ALDH3B2: variants seen among roughly 807,000 people sequenced by gnomAD.
The protein encoded by ALDH3B2 is aldehyde dehydrogenase 3 family member B2.
ALDH3B2 carries 45 observed loss-of-function variants against 36.7 expected under a neutral mutation model. The observed-to-expected ratio is 1.23, with a 90% CI of 0.97 to 1.57. ALDH3B2 has a LOEUF of 1.57. Among genes scored for constraint, ALDH3B2 ranks in the 40% most tolerant of loss-of-function variants. The pLI is 0.00. For synonymous variants in ALDH3B2, 217 were observed against 226.5 expected (o/e 0.96, Z 0.38); for missense variants, 464 against 513.3 (o/e 0.90, Z 0.93).
In ALDH3B2 at chr11:67,666,415, T is replaced by A; in HGVS notation, c.152-14A>T. On this transcript the variant is annotated splice_polypyrimidine_tract_variant and intron_variant, in intron 4 of 9. Coordinates refer to ENST00000349015, the Ensembl canonical transcript of ALDH3B2. Reference sequence around the variant, plus strand: ...CCACGCAACTCCCTGCAGGGGCAGATGGGGACGTCGTTGGGGGAGCCCAGG... The same window carrying A: ...CCACGCAACTCCCTGCAGGGGCAGAAGGGGACGTCGTTGGGGGAGCCCAGG... 2 of 1,608,458 alleles carry A rather than the reference T, an allele frequency of 1.2e-6. No individual in the cohort carries two copies. Among genetic ancestry groups the A allele is most frequent in the South Asian group, 2.2e-5 (2 of 90,454 alleles).
At position 67,663,562 on chromosome 11, in the gene ALDH3B2, C is replaced by G. The variant is rs930387891; in HGVS notation, c.973+100G>C. On this transcript the variant is annotated intron_variant, in intron 9 of 9. Coordinates refer to ENST00000349015, the Ensembl canonical transcript of ALDH3B2. ...TAGGGAAACTGAGGCCTTGAGAGGC[C>G]CAGGGTGTGGATCAAGGTTGAACAG... 175 of 1,383,898 alleles carry G rather than the reference C, an allele frequency of 1.3e-4. 1 individual carries two copies. The highest frequency in any genetic ancestry group is 1.7e-4 in the Non-Finnish European group (169 of 1,003,824). The allele number at this position is 1,383,898 out of a possible 1,614,324, so 85.7% of individuals were successfully genotyped here. A position where few individuals can be genotyped will look rare whatever the true frequency, so the allele number is the denominator to read the frequency against.
chr11:67,667,241 T>C (rs1262327929), intron 2 of ALDH3B2, among the ~76,000 whole-genome samples: 1 of 151,946 alleles, frequency 6.6e-6, no homozygotes, highest in African/African-American at 2.4e-5. Context: ...AGTGCCTCAG[T>C]TTCCTCATCT....
rs1327200635 is a variant in ALDH3B2 at position 67,669,717 on chromosome 11, C to CATATGGGTGTCTGTGTGT, written c.-244-2083_-244-2082insACACACAGACACCCATAT. On this transcript the variant is annotated intron_variant, in intron 1 of 9. Coordinates refer to ENST00000349015, the Ensembl canonical transcript of ALDH3B2. ...CTGTGTGTGTATGGGTGTCTGTGTG[C>CATATGGGTGTCTGTGTGT]GTATGGGTGTCTGTGTGTGTATGGG... 3.9e-3 allele frequency among the ~76,000 whole-genome samples: 253 copies of CATATGGGTGTCTGTGTGT among 64,080 alleles called. 10 individuals are homozygous for CATATGGGTGTCTGTGTGT. The highest frequency in any genetic ancestry group is 0.015 in the African/African-American group (215 of 14,034). The allele number at this position is 64,080 out of a possible 152,430, so 42.0% of individuals were successfully genotyped here.
At chr11:67,664,542 C>T (rs374568776) in exon 8 of ALDH3B2, 112 of 1,613,626 alleles carry the variant, frequency 6.9e-5, no homozygotes, top group Non-Finnish European at 7.7e-5. Context: ...GTCTCCTGCA[C>T]GTCCACCAGC....
At chr11:67,662,893 T>G (rs1565244581) in exon 10 of ALDH3B2, 1 of 361,666 alleles carries the variant, frequency 2.8e-6, no homozygotes, top group Non-Finnish European at 5.1e-6. Flanking sequence ...GGGCACTGTA[T>G]TTTCCAGGGT....
upstream of ALDH3B2, among the ~76,000 whole-genome samples, chr11:67,679,123 A>C (rs1399386587): frequency 6.6e-6 from 1 of 152,120 alleles, no homozygotes; most frequent in Non-Finnish European, 1.5e-5. Flanking sequence ...ATCACCACTA[A>C]AGAATTTACT....
chr11:67,679,865 C>T (rs537626796), intron 1 of ALDH3B2, among the ~76,000 whole-genome samples: 13 of 152,252 alleles, frequency 8.5e-5, no homozygotes, highest in Admixed American at 7.2e-4. Flanking sequence ...ATAAATTGGT[C>T]TTACTATAAT....
At chr11:67,664,063 C>T (rs1156757839) in intron 8 of ALDH3B2, among the ~76,000 whole-genome samples, 2 of 152,154 alleles carry the variant, frequency 1.3e-5, no homozygotes, top group South Asian at 2.1e-4. Flanking sequence ...GGCCCCACCG[C>T]GACCCGCTGG....
At chr11:67,675,985 C>A (rs186258551), upstream of ALDH3B2, among the ~76,000 whole-genome samples, 252 of 152,320 alleles carry the variant, frequency 1.7e-3, 1 homozygote, top group Non-Finnish European at 2.5e-3. Flanking sequence ...GTGGCTCATG[C>A]CTGTAATCCC....
In ALDH3B2 at chr11:67,680,714, G is replaced by A. The variant is rs146067795; in HGVS notation, c.-245+462C>T. On this transcript the variant is annotated intron_variant, in intron 1 of 9. Coordinates refer to the ALDH3B2 transcript ENST00000530069. ...TTACAGATGTGAGCCACCGCACCTG[G>A]CCAATTGTCAAATTGTTAATGTTAT... 9.3e-4 allele frequency among the ~76,000 whole-genome samples: 141 copies of A among 152,302 alleles called. 2 individuals are homozygous for A. In the East Asian group the frequency reaches 0.024, roughly 26 times the overall value.
At chr11:67,669,240 GTGTC>G (rs1474990221) in intron 1 of ALDH3B2, among the ~76,000 whole-genome samples, 10 of 151,184 alleles carry the variant, frequency 6.6e-5, no homozygotes, top group Non-Finnish European at 1.5e-4. Context: ...CTGTGTGTGT[GTGTC>G]TGTGTGTGTA....
chr11:67,666,393 C>G, exon 5 of ALDH3B2: 1 of 1,606,528 alleles, frequency 6.2e-7, no homozygotes, highest in Non-Finnish European at 8.5e-7. Context: ...TTCAGCACCA[C>G]GCAACTCCCT....
exon 7 of ALDH3B2, chr11:67,665,513 C>T (rs149584817): frequency 1.8e-5 from 29 of 1,613,952 alleles, no homozygotes; most frequent in Middle Eastern, 1.7e-4. Context: ...CAGGTCTGGC[C>T]GGCATTGAAG....
chr11:67,672,085 A>ATATATATATATATATATG (rs1398899805), intron 1 of ALDH3B2, among the ~76,000 whole-genome samples: 6 of 52,836 alleles, frequency 1.1e-4, no homozygotes, highest in Non-Finnish European at 1.8e-4. Flanking sequence ...ATATATATAT[A>ATATATATATATATATATG]TATGTATGTA....
At chr11:67,663,290 G>C in exon 10 of ALDH3B2, 1 of 1,614,188 alleles carries the variant, frequency 6.2e-7, no homozygotes, top group Non-Finnish European at 8.5e-7. Flanking sequence ...AGGGTGGGTA[G>C]TGGATCTCCT....
Position 67,663,668 on chromosome 11 carries a change from C to A in ALDH3B2, c.967G>T (p.Gly323Ter). 1 of 1,609,718 alleles carries A rather than the reference C, an allele frequency of 6.2e-7. No homozygotes were observed. Among genetic ancestry groups the A allele is most frequent in the East Asian group, 2.2e-5 (1 of 44,712 alleles). ...GAAATGGGCAGGGACCCACCGACTC[C>A]CCCGAATGGCACGGACAGCAGAGAT... Residue 323 changes from glycine (G) to a stop codon, truncating the protein, a stop_gained, in exon 9 of 10, where the codon GGA (glycine) becomes TGA (stop). Transcript: ENST00000349015. LOFTEE classifies it low-confidence loss of function (END_TRUNC).
chr11:67,670,545 G>A (rs1156290605), intron 1 of ALDH3B2, among the ~76,000 whole-genome samples: 3 of 152,146 alleles, frequency 2.0e-5, no homozygotes, highest in Non-Finnish European at 4.4e-5. Flanking sequence ...CACTTGCACC[G>A]CACCAGGCAT....
chr11:67,677,377 GA>G (rs1856291229), upstream of ALDH3B2, among the ~76,000 whole-genome samples: 1 of 152,064 alleles, frequency 6.6e-6, no homozygotes, highest in South Asian at 2.1e-4. Context: ...AATAGATGCA[GA>G]AAAAGCATTT....
At chr11:67,665,587 G>T (rs549430880) in exon 7 of ALDH3B2, 3 of 1,614,098 alleles carry the variant, frequency 1.9e-6, no homozygotes, top group South Asian at 2.2e-5. Context: ...CACGTAGCAG[G>T]GGTTCTTGCC....
Sources: gnomAD v4.1 joint callset for allele counts (sites outside exome capture counted in the v4.1 genomes callset) on GRCh38, gnomAD v4.1.1 for gene constraint, MANE v1.5 for transcripts, NCBI Gene and HGNC (gene_info 2026-07-23, HGNC 2026-07-21) for gene names.